The following RBFOX1 variants were observed in gnomAD, a reference collection of about 807,000 sequenced individuals.
RBFOX1 encodes the protein RNA binding protein fox-1 homolog 1.
RBFOX1 carries 8 observed loss-of-function variants against 57.7 expected under a neutral mutation model. The observed-to-expected ratio is 0.14, with a 90% CI of 0.08 to 0.25. The LOEUF (loss-of-function observed/expected upper bound fraction) is 0.25, where lower values mean the gene tolerates loss of function less well. RBFOX1 is among the 10% of genes least tolerant of loss of function. RBFOX1 has a pLI of 1.00. For missense variants in RBFOX1, 611 were observed against 548.5 expected, an observed-to-expected ratio of 1.11 and a Z score of -1.14; for synonymous variants, 326 against 222.4, an observed-to-expected ratio of 1.47 and a Z score of -4.15.
chr16:7,415,679 G>C (rs1023853549), intron 4 of RBFOX1, among the ~76,000 whole-genome samples: 2 of 152,146 alleles, frequency 1.3e-5, no homozygotes, highest in African/African-American at 4.8e-5. Context: ...CCTCTACCAA[G>C]AAGCACTAGT....
chr16:5,775,763 G>C (rs772876911), intron 3 of RBFOX1, among the ~76,000 whole-genome samples: 1 of 152,338 alleles, frequency 6.6e-6, no homozygotes, highest in East Asian at 1.9e-4. Flanking sequence ...GTCCACTAAC[G>C]TAGGGGTTTT....
intron 3 of RBFOX1, among the ~76,000 whole-genome samples, chr16:6,833,271 T>G (rs2092841277): frequency 6.6e-6 from 1 of 152,032 alleles, no homozygotes; most frequent in East Asian, 1.9e-4. Context: ...ATTGAAGAGA[T>G]TCTCCTGCCT....
rs114163238 is a variant in RBFOX1, at chr16:5,430,954, C to T, written c.220-36262C>T. 9.4e-3 allele frequency among the ~76,000 whole-genome samples: 1,433 copies of T among 152,196 alleles called. 20 individuals are homozygous for T. The highest frequency in any genetic ancestry group is 0.033 in the African/African-American group (1,375 of 41,516). ...TCAGTGGGGACCTGCTCAGTAACAC[C>T]GCAGTGCATAATAAGGTGACTGGTC... On this transcript the variant is annotated intron_variant, in intron 1 of 2. Transcript: ENST00000585867.
At chr16:7,177,184 C>A (rs914588578) in intron 4 of RBFOX1, among the ~76,000 whole-genome samples, 1 of 152,222 alleles carries the variant, frequency 6.6e-6, no homozygotes, top group African/African-American at 2.4e-5. Flanking sequence ...GTTTTCCCCA[C>A]ATGGAGAATA....
intron 4 of RBFOX1, among the ~76,000 whole-genome samples, chr16:7,257,188 A>G (rs1413353883): frequency 6.6e-6 from 1 of 152,132 alleles, no homozygotes; most frequent in East Asian, 1.9e-4. Context: ...AAATCTCATT[A>G]AGACTTAATC....
chr16:6,801,677 G>C (rs2085494080), intron 3 of RBFOX1, among the ~76,000 whole-genome samples: 1 of 152,068 alleles, frequency 6.6e-6, no homozygotes, highest in South Asian at 2.1e-4. Flanking sequence ...GGGTCACACT[G>C]CTATTTCTCG....
At chr16:6,572,972 C>T (rs990117401) in intron 2 of RBFOX1, among the ~76,000 whole-genome samples, 3 of 152,104 alleles carry the variant, frequency 2.0e-5, no homozygotes, top group Non-Finnish European at 4.4e-5. Context: ...AAATACCTTC[C>T]CTCGGGGACC....
intron 2 of RBFOX1, among the ~76,000 whole-genome samples, chr16:6,373,166 G>A (rs886304868): frequency 9.2e-5 from 14 of 152,162 alleles, no homozygotes; most frequent in African/African-American, 1.2e-4. Context: ...CTTTGGGTAG[G>A]AGGATGTTTG....
intron 1 of RBFOX1, among the ~76,000 whole-genome samples, chr16:5,388,134 A>T (rs1415058375): frequency 6.6e-6 from 1 of 152,216 alleles, no homozygotes; most frequent in Non-Finnish European, 1.5e-5. Context: ...ACCTCCAGAA[A>T]TGTAAGATAG....
intron 2 of RBFOX1, among the ~76,000 whole-genome samples, chr16:5,566,108 C>T (rs903122614): frequency 6.6e-6 from 1 of 152,142 alleles, no homozygotes; most frequent in Non-Finnish European, 1.5e-5. Flanking sequence ...CCATGTGGAA[C>T]TGGGAGTCCA....
intron 1 of RBFOX1, among the ~76,000 whole-genome samples, chr16:6,189,328 C>T (rs560499459): frequency 3.9e-5 from 6 of 152,350 alleles, no homozygotes; most frequent in African/African-American, 1.4e-4. Context: ...GAGTGCCATT[C>T]CCGGAGTGCA....
chr16:7,228,594 G>A (rs2093297873), intron 4 of RBFOX1, among the ~76,000 whole-genome samples: 1 of 152,204 alleles, frequency 6.6e-6, no homozygotes, highest in Non-Finnish European at 1.5e-5. Context: ...ACAGCCGTAA[G>A]GGAGTAGAGA....
chr16:7,044,701 G>GA (rs202154057), intron 3 of RBFOX1, among the ~76,000 whole-genome samples: 64 of 146,764 alleles, frequency 4.4e-4, no homozygotes, highest in African/African-American at 1.7e-3. Flanking sequence ...TGCCATGGGA[G>GA]AAAAAAAATA....
chr16:6,805,475 C>G (rs148020326), intron 3 of RBFOX1, among the ~76,000 whole-genome samples: 2 of 152,030 alleles, frequency 1.3e-5, no homozygotes, highest in Non-Finnish European at 2.9e-5. Context: ...TAATCTGTAC[C>G]ATCCCCATAA....
intron 3 of RBFOX1, among the ~76,000 whole-genome samples, chr16:6,900,723 G>A (rs1034146851): frequency 1.3e-5 from 2 of 152,044 alleles, no homozygotes; most frequent in African/African-American, 2.4e-5. Flanking sequence ...CCATGATGCC[G>A]TTCCTATCTT....
intron 4 of RBFOX1, among the ~76,000 whole-genome samples, chr16:7,322,675 A>G (rs1352510855): frequency 6.6e-6 from 1 of 152,172 alleles, no homozygotes; most frequent in South Asian, 2.1e-4. Context: ...AGAGTGGTTC[A>G]TGCCTCAAAA....
chr16:7,289,928 C>T (rs1306173553), intron 4 of RBFOX1, among the ~76,000 whole-genome samples: 2 of 152,102 alleles, frequency 1.3e-5, no homozygotes, highest in Non-Finnish European at 1.5e-5. Flanking sequence ...CCTTATCATC[C>T]ATTTCGTTAT....
chr16:5,397,885 C>G (rs2066604829), intron 1 of RBFOX1, among the ~76,000 whole-genome samples: 1 of 152,196 alleles, frequency 6.6e-6, no homozygotes, highest in South Asian at 2.1e-4. Context: ...GTCCTATGTT[C>G]TATGTTTGGT....
At chr16:5,776,668 C>A (rs1380854610) in intron 3 of RBFOX1, among the ~76,000 whole-genome samples, 1 of 152,236 alleles carries the variant, frequency 6.6e-6, no homozygotes, top group African/African-American at 2.4e-5. Context: ...TTATCATCCC[C>A]AGTTGACACT....
Sources: gnomAD v4.1 joint callset for allele counts (sites outside exome capture counted in the v4.1 genomes callset) on GRCh38, gnomAD v4.1.1 for gene constraint, MANE v1.5 for transcripts, NCBI Gene and HGNC (gene_info 2026-07-23, HGNC 2026-07-21) for gene names.